The following GAL3ST1 variants were observed in gnomAD, a reference collection of about 807,000 sequenced individuals.
GAL3ST1 encodes galactose-3-O-sulfotransferase 1, also known as galactosylceramide sulfotransferase.
GAL3ST1 carries 13 observed loss-of-function variants against 25.0 expected under a neutral mutation model. The observed-to-expected ratio is 0.52, with a 90% CI of 0.34 to 0.83. The LOEUF (loss-of-function observed/expected upper bound fraction) is 0.83. GAL3ST1 is among the 40% of genes least tolerant of loss of function. The probability of loss-of-function intolerance (pLI) is 0.02; values close to 1 mark genes in which losing one functional copy is unlikely to be tolerated. For missense variants in GAL3ST1, 474 were observed against 613.6 expected (o/e 0.77, Z 2.40); for synonymous variants, 274 against 277.8 (o/e 0.99, Z 0.14).
intron 1 of GAL3ST1, among the ~76,000 whole-genome samples, chr22:30,558,854 G>T (rs2086202878): frequency 6.6e-6 from 1 of 152,160 alleles, no homozygotes; most frequent in African/African-American, 2.4e-5. Flanking sequence ...ATGGGACATA[G>T]TTATACTAAA....
chr22:30,565,677 T>C (rs929278045), intron 1 of GAL3ST1, among the ~76,000 whole-genome samples: 15 of 152,168 alleles, frequency 9.9e-5, no homozygotes, highest in African/African-American at 3.4e-4. Context: ...CTGCAGGATT[T>C]GGGCTGATTG....
chr22:30,562,504 G>A (rs1274346708), intron 1 of GAL3ST1, among the ~76,000 whole-genome samples: 9 of 152,160 alleles, frequency 5.9e-5, no homozygotes, highest in Non-Finnish European at 1.2e-4. Context: ...ACGTACCCAG[G>A]AGATCAACTC....
At chr22:30,562,563 G>A (rs572766343) in intron 1 of GAL3ST1, among the ~76,000 whole-genome samples, 4 of 152,250 alleles carry the variant, frequency 2.6e-5, no homozygotes, top group East Asian at 3.9e-4. Flanking sequence ...TTGGTTCACC[G>A]GCGTGCCAGA....
chr22:30,556,777 C>T (rs2086056288), intron 3 of GAL3ST1, among the ~76,000 whole-genome samples: 1 of 152,200 alleles, frequency 6.6e-6, no homozygotes, highest in African/African-American at 2.4e-5. Flanking sequence ...TCCGTTGGCC[C>T]AGCCTGGAGT....
At chr22:30,559,294 G>T (rs1429149325) in intron 1 of GAL3ST1, among the ~76,000 whole-genome samples, 1 of 152,110 alleles carries the variant, frequency 6.6e-6, no homozygotes, top group Non-Finnish European at 1.5e-5. Context: ...AGGCTGGAGT[G>T]CTGTGGCGCA....
chr22:30,565,778 C>G (rs1204053184), intron 1 of GAL3ST1, among the ~76,000 whole-genome samples: 1 of 152,142 alleles, frequency 6.6e-6, no homozygotes, highest in Non-Finnish European at 1.5e-5. Flanking sequence ...TCAGTTCAGG[C>G]ACTTGAATCT....
At chr22:30,563,900 A>C (rs1169395219) in intron 1 of GAL3ST1, among the ~76,000 whole-genome samples, 1 of 144,298 alleles carries the variant, frequency 6.9e-6, no homozygotes, top group Non-Finnish European at 1.5e-5. Context: ...TGGGCGACAG[A>C]GCGAGACCCC....
At chr22:30,569,377 G>C (rs1429414080) in intron 1 of GAL3ST1, among the ~76,000 whole-genome samples, 1 of 152,178 alleles carries the variant, frequency 6.6e-6, no homozygotes, top group East Asian at 1.9e-4. Flanking sequence ...CATCCTATTG[G>C]CAGCAGGTAT....
At chr22:30,558,804 A>G (rs2086199494) in intron 1 of GAL3ST1, among the ~76,000 whole-genome samples, 1 of 152,232 alleles carries the variant, frequency 6.6e-6, no homozygotes, top group Admixed American at 6.5e-5. Context: ...ATAAACAATG[A>G]ATACAATTTT....
At position 30,554,776 on chromosome 22, in the gene GAL3ST1, C is replaced by T; in HGVS notation, c.*177G>A. On this transcript the variant is annotated 3_prime_UTR_variant, in exon 4 of 4. Transcript: ENST00000406361. ...TAGTTAAATACTGATCTCGGTTAGGCCCTCTCTGTGTTCATGGGCCCAGTC... is the reference window on the plus strand; with the variant it reads ...TAGTTAAATACTGATCTCGGTTAGGTCCTCTCTGTGTTCATGGGCCCAGTC... 1 of 542,848 alleles carries T rather than the reference C, an allele frequency of 1.8e-6. No individual in the cohort carries two copies. The highest frequency in any genetic ancestry group is 2.8e-5 in the South Asian group (1 of 35,332). 33.6% of individuals were successfully genotyped at this position (542,848 alleles called of 1,614,324 possible).
chr22:30,556,613 G>A (rs189802291), intron 3 of GAL3ST1, among the ~76,000 whole-genome samples: 1 of 152,206 alleles, frequency 6.6e-6, no homozygotes, highest in Non-Finnish European at 1.5e-5. Context: ...CCATGCCCAT[G>A]GACAGGTCGC....
intron 1 of GAL3ST1, among the ~76,000 whole-genome samples, chr22:30,561,028 T>G (rs958842522): frequency 1.1e-4 from 17 of 151,954 alleles, no homozygotes; most frequent in African/African-American, 4.1e-4. Context: ...CACTACAGCC[T>G]CCACCTCCTG....
chr22:30,565,553 C>G (rs1403922565), intron 1 of GAL3ST1, among the ~76,000 whole-genome samples: 1 of 152,154 alleles, frequency 6.6e-6, no homozygotes, highest in South Asian at 2.1e-4. Context: ...GACCAGGGCT[C>G]AGAAGATGAG....
intron 2 of GAL3ST1, among the ~76,000 whole-genome samples, chr22:30,557,915 C>G (rs1321916412): frequency 6.7e-6 from 1 of 149,828 alleles, no homozygotes; most frequent in Non-Finnish European, 1.5e-5. Flanking sequence ...TTTTTTATAC[C>G]TTTTAGGGCA....
At chr22:30,561,031 A>G (rs1252600561) in intron 1 of GAL3ST1, among the ~76,000 whole-genome samples, 2 of 149,092 alleles carry the variant, frequency 1.3e-5, no homozygotes, top group African/African-American at 4.9e-5. Flanking sequence ...TACAGCCTCC[A>G]CCTCCTGGGT....
At chr22:30,566,939 A>AC (rs989828095) in intron 1 of GAL3ST1, among the ~76,000 whole-genome samples, 3 of 149,908 alleles carry the variant, frequency 2.0e-5, no homozygotes, top group Non-Finnish European at 4.4e-5. Flanking sequence ...CTCTACCCCC[A>AC]CCCCCAGGAA....
At position 30,555,256 on chromosome 22, in the gene GAL3ST1, C is replaced by T. The variant is rs368781256; in HGVS notation, c.969G>A (p.Gly323=). 3.6e-5 allele frequency: 58 copies of T among 1,600,152 alleles called. No homozygotes were observed. Among genetic ancestry groups the T allele is most frequent in the Non-Finnish European group, 4.1e-5 (48 of 1,176,046 alleles). ...ASFWRKVEAF[G]RERMAREVAA... is the part of the protein sequence containing the mutation. ...CCACCTCGCGGGCCATGCGCTCCCG[C>T]CCGAAGGCCTCCACCTTGCGCCAGA... The change falls in exon 4 of 4, where the codon GGG becomes GGA. Residue 323 remains glycine, a synonymous_variant. Coordinates refer to ENST00000406361, the MANE Select transcript of GAL3ST1 (RefSeq NM_001318104.2). This position sits in a 1 kb window ranked among gnomAD's most constrained non-coding sequence, Gnocchi z 8.6.
In GAL3ST1 at chr22:30,554,705, ATTCT is replaced by A; in HGVS notation, c.*244_*247del. 1 of 366,714 alleles carries A rather than the reference ATTCT, an allele frequency of 2.7e-6. No individual in the cohort carries two copies. Among genetic ancestry groups the A allele is most frequent in the Non-Finnish European group, 4.9e-6 (1 of 205,828 alleles). The allele number at this position is 366,714 out of a possible 1,614,324, so 22.7% of individuals were successfully genotyped here. On this transcript the variant is annotated 3_prime_UTR_variant, in exon 4 of 4. Transcript: ENST00000406361. ...CTTTAAGGGGAGGCAGAAATAGAAC[ATTCT>A]TTATCGGGGAGGGAAAGGGGTTTAA...
chr22:30,565,597 T>C (rs1480245006), intron 1 of GAL3ST1, among the ~76,000 whole-genome samples: 3 of 152,160 alleles, frequency 2.0e-5, no homozygotes, highest in Non-Finnish European at 2.9e-5. Flanking sequence ...GCTCTAAATC[T>C]TTCATCAGAG....
Sources: allele counts gnomAD v4.1 joint callset (sites outside exome capture counted in the v4.1 genomes callset), GRCh38; gene constraint gnomAD v4.1.1; non-coding constraint Gnocchi (gnomAD v3.1); transcripts MANE v1.5; gene names NCBI Gene and HGNC (gene_info 2026-07-23, HGNC 2026-07-21).